Variants in SLC30A4 observed in about 807,000 individuals in gnomAD.
SLC30A4 encodes solute carrier family 30 member 4.
Under a neutral mutation model 41.7 loss-of-function variants are expected in SLC30A4, and 20 were observed. That is an observed-to-expected ratio of 0.48 (90% CI 0.34 to 0.70). SLC30A4 has a LOEUF of 0.70. SLC30A4 is among the 30% of genes least tolerant of loss of function. The probability of loss-of-function intolerance (pLI) is 0.01; values close to 1 mark genes in which losing one functional copy is unlikely to be tolerated. For synonymous variants in SLC30A4, 181 were observed against 195.9 expected (o/e 0.92, Z 0.64); for missense variants, 441 against 529.3 (o/e 0.83, Z 1.64).
intron 3 of SLC30A4, among the ~76,000 whole-genome samples, chr15:45,507,202 C>A (rs1166943002): frequency 1.3e-5 from 2 of 151,782 alleles, no homozygotes; most frequent in East Asian, 3.9e-4. Context: ...CCCCTGTAAT[C>A]CCAGCTACTC....
intron 2 of SLC30A4, among the ~76,000 whole-genome samples, chr15:45,517,219 C>T (rs1892507020): frequency 6.6e-6 from 1 of 151,564 alleles, no homozygotes; most frequent in Non-Finnish European, 1.5e-5. Context: ...TTCCTAGAGA[C>T]TTGGGCTCTC....
intron 3 of SLC30A4, among the ~76,000 whole-genome samples, chr15:45,507,061 C>T (rs920800054): frequency 2.6e-5 from 4 of 152,018 alleles, no homozygotes; most frequent in Non-Finnish European, 5.9e-5. Flanking sequence ...GTGGCTCATG[C>T]CTATAAACCC....
At chr15:45,504,818 A>C (rs1382276191) in intron 3 of SLC30A4, among the ~76,000 whole-genome samples, 1 of 152,202 alleles carries the variant, frequency 6.6e-6, no homozygotes, top group East Asian at 1.9e-4. Context: ...AACTTGCCCA[A>C]GGTCAAACTG....
intron 4 of SLC30A4, 72 bp from the exon 5 acceptor site, chr15:45,489,114 T>A: frequency 1.9e-6 from 2 of 1,032,864 alleles, no homozygotes; most frequent in Non-Finnish European, 2.9e-6. Flanking sequence ...AGTCAGACAC[T>A]AATGAGGTAA....
chr15:45,495,605 A>C (rs1891894291), intron 3 of SLC30A4, among the ~76,000 whole-genome samples: 1 of 152,218 alleles, frequency 6.6e-6, no homozygotes, highest in South Asian at 2.1e-4. Flanking sequence ...CCTTTTTGTG[A>C]ATTCTCAGAT....
chr15:45,494,562 G>A (rs1321256605), intron 3 of SLC30A4, among the ~76,000 whole-genome samples: 1 of 152,126 alleles, frequency 6.6e-6, no homozygotes, highest in Non-Finnish European at 1.5e-5. Flanking sequence ...GCAGCTGCCT[G>A]TAATCCCAGC....
intron 3 of SLC30A4, among the ~76,000 whole-genome samples, chr15:45,496,890 G>A (rs1891919126): frequency 6.6e-6 from 1 of 150,694 alleles, no homozygotes; most frequent in Non-Finnish European, 1.5e-5. Flanking sequence ...AAATAGGTGT[G>A]GTAGCACATG....
At chr15:45,521,803 G>A (rs183077104) in intron 2 of SLC30A4, 161 bp downstream of exon 2, 2 of 655,942 alleles carry the variant, frequency 3.0e-6, no homozygotes, top group African/African-American at 1.8e-5. Context: ...CTTAGATTGA[G>A]CTGCACTTTG....
chr15:45,501,538 T>C (rs1449380719), intron 3 of SLC30A4, among the ~76,000 whole-genome samples: 1 of 152,104 alleles, frequency 6.6e-6, no homozygotes, highest in African/African-American at 2.4e-5. Context: ...TCTTGCTCTG[T>C]CCCCTAAGCT....
chr15:45,485,778 C>T (rs1011293497), intron 7 of SLC30A4, among the ~76,000 whole-genome samples: 9 of 150,682 alleles, frequency 6.0e-5, no homozygotes, highest in Non-Finnish European at 1.2e-4. Context: ...AGTACAATGG[C>T]GCCATCTTGG....
chr15:45,488,243 A>G (rs1163391221), intron 5 of SLC30A4, among the ~76,000 whole-genome samples: 1 of 152,136 alleles, frequency 6.6e-6, no homozygotes, highest in Non-Finnish European at 1.5e-5. Flanking sequence ...TCCAGTGCAC[A>G]TTTTACTACC....
At chr15:45,505,698 T>G (rs889172651) in intron 3 of SLC30A4, among the ~76,000 whole-genome samples, 3 of 152,158 alleles carry the variant, frequency 2.0e-5, no homozygotes, top group African/African-American at 7.2e-5. Context: ...TACAGTATAC[T>G]GCCTATTGCA....
chr15:45,519,875 ATT>A (rs1892609880), intron 2 of SLC30A4, among the ~76,000 whole-genome samples: 1 of 152,230 alleles, frequency 6.6e-6, no homozygotes, highest in Non-Finnish European at 1.5e-5. Context: ...ATGACTCAAT[ATT>A]CTAGTTGTGT....
Position 45,513,319 on chromosome 15 carries a change from T to A in SLC30A4, c.392-2035A>T, listed in dbSNP as rs576656156. On this transcript the variant is annotated intron_variant, in intron 2 of 7. Coordinates refer to ENST00000261867, the MANE Select transcript of SLC30A4 (RefSeq NM_013309.6). ...CTCCTGTGTTCATGTAATCCTCCCA[T>A]CTCAGCCTCCTGAGTAGCTGGGACT... 2.7e-5 allele frequency among the ~76,000 whole-genome samples: 4 copies of A among 150,344 alleles called. No individual in the cohort carries two copies. The South Asian group carries it at 8.5e-4, about 32-fold the overall frequency.
intron 2 of SLC30A4, among the ~76,000 whole-genome samples, chr15:45,517,673 G>A (rs1312769113): frequency 1.3e-5 from 2 of 151,996 alleles, no homozygotes; most frequent in Admixed American, 6.5e-5. Flanking sequence ...GGTTGGCCAG[G>A]CGCGGTGGCT....
chr15:45,512,169 C>A (rs1448445422), intron 2 of SLC30A4, among the ~76,000 whole-genome samples: 1 of 152,126 alleles, frequency 6.6e-6, no homozygotes, highest in African/African-American at 2.4e-5. Context: ...TACATTGTTT[C>A]ATTGTGTGTC....
chr15:45,504,059 G>A (rs1350321001), intron 3 of SLC30A4, among the ~76,000 whole-genome samples: 1 of 152,184 alleles, frequency 6.6e-6, no homozygotes, highest in Admixed American at 6.5e-5. Flanking sequence ...ACCATTTGGA[G>A]GAACTGAGAG....
At chr15:45,518,184 C>T (rs1892548487) in intron 2 of SLC30A4, among the ~76,000 whole-genome samples, 1 of 152,134 alleles carries the variant, frequency 6.6e-6, no homozygotes, top group Admixed American at 6.5e-5. Context: ...AAAACTCCCT[C>T]ACTCTGTTTG....
intron 3 of SLC30A4, among the ~76,000 whole-genome samples, chr15:45,500,666 GTTTT>G (rs1892009051): frequency 6.8e-6 from 1 of 147,062 alleles, no homozygotes; most frequent in Non-Finnish European, 1.5e-5. Context: ...CTATCTATAT[GTTTT>G]TGTTTTATTT....
Sources: allele counts gnomAD v4.1 joint callset (sites outside exome capture counted in the v4.1 genomes callset), GRCh38; gene constraint gnomAD v4.1.1; transcripts MANE v1.5; gene names NCBI Gene and HGNC (gene_info 2026-07-23, HGNC 2026-07-21).